Variants in C8orf34 observed in about 807,000 individuals in gnomAD.
The protein encoded by C8orf34 is chromosome 8 open reading frame 34.
A neutral mutation model predicts 68.3 loss-of-function variants in C8orf34; 65 were observed. The ratio of observed to expected loss-of-function variants is 0.95; its 90% CI spans 0.78 to 1.17. C8orf34 has a LOEUF of 1.17. Ranked by LOEUF, C8orf34 falls within the 50% of genes most tolerant of loss-of-function variation. The probability of loss-of-function intolerance (pLI) is 0.00; values close to 1 mark genes in which losing one functional copy is unlikely to be tolerated. For missense variants in C8orf34, 664 were observed against 655.4 expected (o/e 1.01, Z -0.14); for synonymous variants, 244 against 241.2 (o/e 1.01, Z -0.11).
intron 1 of C8orf34, among the ~76,000 whole-genome samples, chr8:68,410,386 A>G (rs756373709): frequency 4.6e-5 from 7 of 152,256 alleles, no homozygotes; most frequent in Non-Finnish European, 8.8e-5. Context: ...AAACAGTATT[A>G]TATCTATTTA....
intron 12 of C8orf34, among the ~76,000 whole-genome samples, chr8:68,794,506 T>TATATA (rs58048066): frequency 6.4e-4 from 38 of 58,988 alleles, no homozygotes; most frequent in Admixed American, 2.5e-3. Flanking sequence ...TATATATATA[T>TATATA]TTTTTTTTTT....
intron 9 of C8orf34, among the ~76,000 whole-genome samples, chr8:68,720,651 T>A (rs1422976829): frequency 6.6e-6 from 1 of 151,882 alleles, no homozygotes; most frequent in Non-Finnish European, 1.5e-5. Context: ...GAAGTCAACA[T>A]TCTTCAGCAC....
At chr8:68,577,744 G>A (rs1035820783) in intron 7 of C8orf34, among the ~76,000 whole-genome samples, 1 of 151,678 alleles carries the variant, frequency 6.6e-6, no homozygotes, top group Non-Finnish European at 1.5e-5. Flanking sequence ...AATGATGTAG[G>A]CTATTAAAAT....
At chr8:68,564,055 A>G (rs2130195075) in intron 7 of C8orf34, among the ~76,000 whole-genome samples, 1 of 152,342 alleles carries the variant, frequency 6.6e-6, no homozygotes, top group East Asian at 1.9e-4. Context: ...ATATAACTAT[A>G]GAGTCTGCAT....
intron 12 of C8orf34, among the ~76,000 whole-genome samples, chr8:68,802,183 C>T (rs1824348513): frequency 6.6e-6 from 1 of 152,048 alleles, no homozygotes; most frequent in South Asian, 2.1e-4. Flanking sequence ...ATACCACAAC[C>T]TCTCCCTCCC....
intron 5 of C8orf34, among the ~76,000 whole-genome samples, chr8:68,513,779 G>A (rs139327189): frequency 1.6e-4 from 25 of 152,276 alleles, no homozygotes; most frequent in Non-Finnish European, 3.1e-4. Flanking sequence ...TTGGCTGTGT[G>A]GGACCTTTGG....
intron 3 of C8orf34, among the ~76,000 whole-genome samples, chr8:68,455,322 C>T (rs563273683): frequency 7.9e-5 from 12 of 152,220 alleles, no homozygotes; most frequent in Admixed American, 1.3e-4. Context: ...GCTCCGTTAT[C>T]GAAAGTGGGG....
chr8:68,555,348 T>C (rs1222111568), intron 7 of C8orf34, among the ~76,000 whole-genome samples: 1 of 152,152 alleles, frequency 6.6e-6, no homozygotes, highest in Non-Finnish European at 1.5e-5. Context: ...GCTTGATGCA[T>C]AGCAATAAGA....
intron 10 of C8orf34, among the ~76,000 whole-genome samples, chr8:68,752,591 A>G (rs1384578513): frequency 6.6e-6 from 1 of 152,212 alleles, no homozygotes; most frequent in African/African-American, 2.4e-5. Flanking sequence ...TGATACTAAG[A>G]ATTCAGATAG....
chr8:68,448,936 A>G, intron 3 of C8orf34, among the ~76,000 whole-genome samples: 1 of 152,110 alleles, frequency 6.6e-6, no homozygotes, highest in East Asian at 1.9e-4. Context: ...ATAAAAGGTT[A>G]TTTAATTAAG....
chr8:68,659,151 G>T (rs994262280), intron 8 of C8orf34, among the ~76,000 whole-genome samples: 21 of 152,110 alleles, frequency 1.4e-4, no homozygotes, highest in African/African-American at 4.6e-4. Flanking sequence ...ATTTTATATT[G>T]GAGACCTGAA....
chr8:68,351,931 A>G (rs1806528128), intron 1 of C8orf34, among the ~76,000 whole-genome samples: 1 of 151,980 alleles, frequency 6.6e-6, no homozygotes, highest in Non-Finnish European at 1.5e-5. Flanking sequence ...TTTAATTTAT[A>G]ATTCCCTAAT....
chr8:68,704,300 CA>C (rs752842217), intron 8 of C8orf34, among the ~76,000 whole-genome samples: 1 of 151,938 alleles, frequency 6.6e-6, no homozygotes, highest in Non-Finnish European at 1.5e-5. Context: ...AGAAATAAGC[CA>C]AATAGTAAAA....
At chr8:68,773,353 G>A (rs1372755996) in intron 10 of C8orf34, among the ~76,000 whole-genome samples, 1 of 152,052 alleles carries the variant, frequency 6.6e-6, no homozygotes, top group Non-Finnish European at 1.5e-5. Flanking sequence ...TCTTCAAAAT[G>A]TTAGTTTCCT....
chr8:68,777,950 G>C (rs1288245891), intron 11 of C8orf34, among the ~76,000 whole-genome samples: 1 of 152,048 alleles, frequency 6.6e-6, no homozygotes, highest in Non-Finnish European at 1.5e-5. Context: ...CCTTTCTTAG[G>C]GGTTTAGTAT....
intron 1 of C8orf34, among the ~76,000 whole-genome samples, chr8:68,394,859 G>A (rs1446756296): frequency 1.3e-5 from 2 of 151,892 alleles, no homozygotes; most frequent in African/African-American, 4.8e-5. Context: ...AAATACTAAG[G>A]AATAAAACCA....
At chr8:68,485,711 C>CAAAAAA (rs1290609373) in intron 4 of C8orf34, among the ~76,000 whole-genome samples, 1 of 75,310 alleles carries the variant, frequency 1.3e-5, no homozygotes, top group East Asian at 9.9e-4. Context: ...GACTCTGTCT[C>CAAAAAA]AAAAAAAAAT....
At chr8:68,766,079 C>T (rs1409480185) in intron 10 of C8orf34, among the ~76,000 whole-genome samples, 1 of 152,140 alleles carries the variant, frequency 6.6e-6, no homozygotes, top group Non-Finnish European at 1.5e-5. Context: ...GTCCATGCAT[C>T]AGTTAGAGAA....
intron 5 of C8orf34, among the ~76,000 whole-genome samples, chr8:68,504,867 T>C (rs1394035740): frequency 1.3e-5 from 2 of 151,896 alleles, no homozygotes; most frequent in African/African-American, 2.4e-5. Context: ...TTAGTAGAGA[T>C]GGTGTTTCAC....
Sources: gnomAD v4.1 joint callset for allele counts (sites outside exome capture counted in the v4.1 genomes callset) on GRCh38, gnomAD v4.1.1 for gene constraint, MANE v1.5 for transcripts, NCBI Gene and HGNC (gene_info 2026-07-23, HGNC 2026-07-21) for gene names.